The following MAD1L1 variants were observed in gnomAD, a reference collection of about 807,000 sequenced individuals.
MAD1L1 encodes mitotic spindle assembly checkpoint protein MAD1.
Under a neutral mutation model 96.9 loss-of-function variants are expected in MAD1L1, and 95 were observed. The ratio of observed to expected loss-of-function variants is 0.98; its 90% CI spans 0.83 to 1.16. The LOEUF is 1.16. Among genes scored for constraint, MAD1L1 ranks in the 50% most tolerant of loss-of-function variants. The pLI is 0.00. For missense variants in MAD1L1, 1,007 were observed against 954.4 expected (o/e 1.06, Z -0.73); for synonymous variants, 473 against 396.6 (o/e 1.19, Z -2.29).
rs28619378 is a variant in MAD1L1 at position 1,909,564 on chromosome 7, C to G, written c.1808-11174G>C. On this transcript the variant is annotated intron_variant, in intron 17 of 18. Transcript: ENST00000265854. ...GACGCACCTGTAGGCTGGCCGGGAC[C>G]CCCCGGGATGTCACCCGTGAGAACC... Among the ~76,000 whole-genome samples the G allele has an allele frequency of 2.4e-3, 362 of 152,272 alleles. 1 individual carries two copies. Among genetic ancestry groups the G allele is most frequent in the African/African-American group, 8.4e-3 (348 of 41,556 alleles).
chr7:1,918,120 G>A (rs564744603), intron 17 of MAD1L1, among the ~76,000 whole-genome samples: 8 of 152,234 alleles, frequency 5.3e-5, no homozygotes, highest in Admixed American at 6.5e-5. Flanking sequence ...GCCCCGGACC[G>A]TGCTCCACTC....
chr7:1,919,023 G>A (rs879855229), intron 17 of MAD1L1, among the ~76,000 whole-genome samples: 42 of 152,242 alleles, frequency 2.8e-4, no homozygotes, highest in Non-Finnish European at 5.4e-4. Flanking sequence ...AGTTCCCTCC[G>A]GCCCATGCCG....
chr7:2,155,384 T>C (rs762883305), intron 10 of MAD1L1, among the ~76,000 whole-genome samples: 25 of 152,232 alleles, frequency 1.6e-4, no homozygotes, highest in Admixed American at 2.6e-4. Flanking sequence ...AGCATATTCA[T>C]GTTATTGGGC....
chr7:2,161,178 C>T (rs181579001), intron 10 of MAD1L1, among the ~76,000 whole-genome samples: 25,233 of 140,826 alleles, frequency 0.18, 2,492 homozygotes, highest in Middle Eastern at 0.3. Flanking sequence ...ACTGTACTGC[C>T]GCCATCTCGA....
chr7:2,085,645 G>T (rs930635249), intron 11 of MAD1L1, among the ~76,000 whole-genome samples: 3 of 152,200 alleles, frequency 2.0e-5, no homozygotes, highest in Non-Finnish European at 4.4e-5. Context: ...CCCTGCTGCA[G>T]CATACATCAG....
intron 11 of MAD1L1, among the ~76,000 whole-genome samples, chr7:2,135,171 G>A (rs1016421685): frequency 2.0e-5 from 3 of 152,232 alleles, no homozygotes; most frequent in African/African-American, 7.2e-5. Flanking sequence ...CCACCCAGCA[G>A]GCAAGGCTGA....
In MAD1L1 at chr7:2,103,265, G is replaced by A. The variant is rs909478604; in HGVS notation, c.1074-33927C>T. ...ATCCGGCCACGCTGAGGGCCGGGTC[G>A]CAGCCCAAGCCATGGCTGCCCCGAC... On this transcript the variant is annotated intron_variant, in intron 11 of 18. Transcript: ENST00000265854. The surrounding 1 kb of genome is among the most constrained non-coding windows in gnomAD (Gnocchi z 4.3). 2.0e-5 allele frequency among the ~76,000 whole-genome samples: 3 copies of A among 152,100 alleles called. No individual in the cohort carries two copies. The highest frequency in any genetic ancestry group is 4.4e-5 in the Non-Finnish European group (3 of 68,002).
intron 2 of MAD1L1, 53 bp downstream of exon 2, chr7:2,230,496 C>G (rs1476860788): frequency 4.5e-6 from 1 of 220,962 alleles, no homozygotes; most frequent in Non-Finnish European, 9.3e-6. Context: ...ACAGAGCCAA[C>G]AGGACACAGA....
intron 12 of MAD1L1, among the ~76,000 whole-genome samples, chr7:2,043,006 A>G (rs1783759213): frequency 6.6e-6 from 1 of 152,134 alleles, no homozygotes; most frequent in Non-Finnish European, 1.5e-5. Flanking sequence ...GCCAAGAAGG[A>G]TGGGCTTCTG....
chr7:1,933,810 C>T (rs1294978369), intron 17 of MAD1L1, among the ~76,000 whole-genome samples: 1 of 152,196 alleles, frequency 6.6e-6, no homozygotes, highest in East Asian at 1.9e-4. Flanking sequence ...TCTCTTAATT[C>T]AGCAATCAAG....
At chr7:2,002,499 A>G (rs1253485389) in intron 13 of MAD1L1, among the ~76,000 whole-genome samples, 4 of 152,200 alleles carry the variant, frequency 2.6e-5, no homozygotes, top group Non-Finnish European at 4.4e-5. Flanking sequence ...TTTCAGTCAG[A>G]GGAAATCAAT....
intron 15 of MAD1L1, among the ~76,000 whole-genome samples, chr7:1,966,131 G>C (rs976956548): frequency 6.4e-4 from 97 of 152,376 alleles, no homozygotes; most frequent in African/African-American, 2.2e-3. Flanking sequence ...CCAAGGCCAG[G>C]AGCGCTGCCA....
chr7:1,985,317 G>A lies in MAD1L1; in HGVS notation c.1417-4776C>T, dbSNP rs529457578. On this transcript the variant is annotated intron_variant, in intron 14 of 18. Coordinates refer to ENST00000265854, the MANE Select transcript of MAD1L1 (RefSeq NM_001013836.2). Reference sequence around the variant, plus strand: ...CGGGGCAGCTCCCGTTTTCCGCCCAGGACTGGGGCTTTCACCACAGGCTCC... The same window carrying A: ...CGGGGCAGCTCCCGTTTTCCGCCCAAGACTGGGGCTTTCACCACAGGCTCC... 3.4e-4 allele frequency among the ~76,000 whole-genome samples: 52 copies of A among 152,256 alleles called. 1 individual carries two copies. Among genetic ancestry groups the A allele is most frequent in the Non-Finnish European group, 6.6e-4 (45 of 68,046 alleles).
chr7:1,912,629 C>G (rs1253646462), intron 17 of MAD1L1, among the ~76,000 whole-genome samples: 1 of 152,192 alleles, frequency 6.6e-6, no homozygotes, highest in Non-Finnish European at 1.5e-5. Flanking sequence ...TCAGAGCACT[C>G]CCCTCTCATC....
At chr7:2,086,500 G>A (rs1219078511) in intron 11 of MAD1L1, among the ~76,000 whole-genome samples, 1 of 152,220 alleles carries the variant, frequency 6.6e-6, no homozygotes, top group Non-Finnish European at 1.5e-5. Context: ...CTGCCCATGG[G>A]AAAGCCGTAA....
chr7:1,926,457 C>T (rs572633345), intron 17 of MAD1L1, among the ~76,000 whole-genome samples: 2 of 152,166 alleles, frequency 1.3e-5, no homozygotes, highest in Admixed American at 6.5e-5. Context: ...TGAACACAGA[C>T]GTGAAGATTA....
intron 7 of MAD1L1, among the ~76,000 whole-genome samples, chr7:2,217,253 C>T (rs1298492597): frequency 1.3e-5 from 2 of 152,230 alleles, no homozygotes; most frequent in African/African-American, 4.8e-5. Context: ...ACTGAACAGG[C>T]AGAGTATGAA....
chr7:1,893,425 G>C (rs1231457869), intron 18 of MAD1L1, among the ~76,000 whole-genome samples: 3 of 152,228 alleles, frequency 2.0e-5, no homozygotes, highest in Non-Finnish European at 4.4e-5. Context: ...CTTTCTGCCT[G>C]AAGAATCATT....
At chr7:2,093,857 C>CAAGG (rs1786341101) in intron 11 of MAD1L1, among the ~76,000 whole-genome samples, 1 of 152,194 alleles carries the variant, frequency 6.6e-6, no homozygotes, top group Admixed American at 6.5e-5. Context: ...GGGCAACAGA[C>CAAGG]AAGGAGAGGC....
Sources: gnomAD v4.1 joint callset for allele counts (sites outside exome capture counted in the v4.1 genomes callset) on GRCh38, gnomAD v4.1.1 for gene constraint, Gnocchi (gnomAD v3.1) non-coding constraint, MANE v1.5 for transcripts, NCBI Gene and HGNC (gene_info 2026-07-23, HGNC 2026-07-21) for gene names.